LRRC37A2: variants seen among roughly 807,000 people sequenced by gnomAD.
The protein encoded by LRRC37A2 is leucine-rich repeat-containing protein 37A2.
In LRRC37A2, 9 loss-of-function variants were observed where a neutral mutation model predicts 68.8. That is an observed-to-expected ratio of 0.13 (90% confidence interval 0.08 to 0.23). The LOEUF (loss-of-function observed/expected upper bound fraction) is 0.23, where lower values mean the gene tolerates loss of function less well. Among genes scored for constraint, LRRC37A2 ranks in the 10% least tolerant of loss-of-function variants. The probability of loss-of-function intolerance (pLI) is 1.00; values close to 1 mark genes in which losing one functional copy is unlikely to be tolerated. For synonymous variants in LRRC37A2, 63 were observed against 367.6 expected (o/e 0.17, Z 9.48); for missense variants, 168 against 950.4 (o/e 0.18, Z 10.82).
the LRRC37A2 span, among the ~76,000 whole-genome samples, chr17:46,837,188 G>A: frequency 2.6e-5 from 4 of 151,914 alleles, no homozygotes; most frequent in Admixed American, 1.3e-4. Flanking sequence ...TGATCTGCCC[G>A]CCGCGGCCCC....
At chr17:46,960,634 T>G in the LRRC37A2 span, among the ~76,000 whole-genome samples, 1 of 152,182 alleles carries the variant, frequency 6.6e-6, no homozygotes, top group East Asian at 1.9e-4. Flanking sequence ...AAAATTTAAA[T>G]TTAAAAACCT....
the LRRC37A2 span, chr17:46,938,832 G>T: frequency 1.5e-5 from 24 of 1,608,512 alleles, no homozygotes; most frequent in Admixed American, 3.0e-4. Context: ...AGAGAGAGGG[G>T]GGCCCAGAGG....
chr17:46,920,199 A>G, the LRRC37A2 span, among the ~76,000 whole-genome samples: 6 of 152,222 alleles, frequency 3.9e-5, no homozygotes, highest in South Asian at 2.1e-4. Context: ...TGATTCTTGA[A>G]GGTCTTATTC....
At chr17:46,756,143 A>G in the LRRC37A2 span, 4 of 248,120 alleles carry the variant, frequency 1.6e-5, no homozygotes, top group Admixed American at 5.3e-5. Context: ...CAACCTCTCT[A>G]CTAGCACCAT....
chr17:46,903,193 A>G, the LRRC37A2 span, among the ~76,000 whole-genome samples: 1 of 152,168 alleles, frequency 6.6e-6, no homozygotes, highest in East Asian at 1.9e-4. Context: ...AGGCAGGGGA[A>G]TCGCTTGAAC....
the LRRC37A2 span, among the ~76,000 whole-genome samples, chr17:46,894,551 C>T: frequency 2.6e-5 from 4 of 152,238 alleles, no homozygotes; most frequent in Non-Finnish European, 5.9e-5. Context: ...CAGCTGCCCT[C>T]CCCATGGGGC....
the LRRC37A2 span, among the ~76,000 whole-genome samples, chr17:46,900,194 T>TACATAC: frequency 9.8e-6 from 1 of 101,784 alleles, no homozygotes; most frequent in African/African-American, 5.3e-5. Flanking sequence ...TATATATATA[T>TACATAC]ATATATATAC....
the LRRC37A2 span, chr17:46,872,438 T>A: frequency 3.2e-5 from 46 of 1,416,212 alleles, no homozygotes; most frequent in Middle Eastern, 2.7e-4. Flanking sequence ...ATGAAGCCCC[T>A]GAGGAGGCCC....
chr17:46,711,794 CAT>C, the LRRC37A2 span, among the ~76,000 whole-genome samples: 3 of 152,116 alleles, frequency 2.0e-5, no homozygotes, highest in African/African-American at 7.2e-5. Context: ...CTGGGAGAAA[CAT>C]ATTAAGCCAT....
chr17:46,818,772 G>A, the LRRC37A2 span: 2 of 677,048 alleles, frequency 3.0e-6, no homozygotes, highest in Admixed American at 2.4e-5. Context: ...CCGGGTTTGA[G>A]GATGTCAGCG....
the LRRC37A2 span, among the ~76,000 whole-genome samples, chr17:46,708,142 T>C: frequency 4.6e-5 from 7 of 152,240 alleles, no homozygotes; most frequent in Non-Finnish European, 1.0e-4. Context: ...TGAGTAATGC[T>C]GTCATTAGCA....
chr17:46,954,613 G>C, the LRRC37A2 span, among the ~76,000 whole-genome samples: 2 of 152,232 alleles, frequency 1.3e-5, no homozygotes, highest in Admixed American at 6.5e-5. Context: ...AAATTACCTT[G>C]GTCAGTATGG....
chr17:46,763,669 A>G, the LRRC37A2 span: 2 of 152,108 alleles, frequency 1.3e-5, no homozygotes, highest in African/African-American at 4.8e-5. Flanking sequence ...CTGGAGTCCA[A>G]CTGCTCTACC....
At chr17:47,018,359 T>C in the LRRC37A2 span, 1 of 1,611,130 alleles carries the variant, frequency 6.2e-7, no homozygotes, top group Middle Eastern at 2.3e-4. Context: ...CTCTAGAACA[T>C]CATGAAGTCA....
the LRRC37A2 span, among the ~76,000 whole-genome samples, chr17:46,610,045 T>TCTC: frequency 0.012 from 1,068 of 86,176 alleles, 106 homozygotes; most frequent in Middle Eastern, 0.058. Flanking sequence ...CTCTCTCTCT[T>TCTC]TCTTTCTTTC....
chr17:46,905,807 TGTGTGTGC>T, the LRRC37A2 span, among the ~76,000 whole-genome samples: 1,775 of 113,604 alleles, frequency 0.016, 14 homozygotes, highest in Admixed American at 0.027. Flanking sequence ...TGTGTGTGTG[TGTGTGTGC>T]GTTTGTTGGG....
At chr17:46,754,847 A>G in the LRRC37A2 span, among the ~76,000 whole-genome samples, 1 of 152,244 alleles carries the variant, frequency 6.6e-6, no homozygotes, top group Non-Finnish European at 1.5e-5. Flanking sequence ...ACTGAGGCTA[A>G]GAAAAGCTAC....
the LRRC37A2 span, among the ~76,000 whole-genome samples, chr17:47,033,059 A>T: frequency 6.6e-6 from 1 of 151,926 alleles, no homozygotes; most frequent in Non-Finnish European, 1.5e-5. Context: ...TCTACTAAAA[A>T]TACAAAAATT....
chr17:47,023,616 T>A, the LRRC37A2 span, among the ~76,000 whole-genome samples: 1 of 152,032 alleles, frequency 6.6e-6, no homozygotes, highest in South Asian at 2.1e-4. Flanking sequence ...TTTTTTCAGA[T>A]GGAATTTTGT....
Sources: allele counts gnomAD v4.1 joint callset (sites outside exome capture counted in the v4.1 genomes callset), GRCh38; gene constraint gnomAD v4.1.1; transcripts MANE v1.5; gene names NCBI Gene and HGNC (gene_info 2026-07-23, HGNC 2026-07-21).